The following CSMD3 variants were observed in gnomAD, a reference collection of about 807,000 sequenced individuals.
The protein encoded by CSMD3 is CUB and sushi domain-containing protein 3.
CSMD3 carries 177 observed loss-of-function variants against 435.2 expected under a neutral mutation model. That is an observed-to-expected ratio of 0.41 (90% CI 0.36 to 0.46). The LOEUF (loss-of-function observed/expected upper bound fraction) is 0.46, where lower values mean the gene tolerates loss of function less well. Among genes scored for constraint, CSMD3 ranks in the 20% least tolerant of loss-of-function variants. The pLI, the probability that CSMD3 is intolerant of heterozygous loss-of-function variation, is 0.34. For synonymous variants in CSMD3, 1,656 were observed against 1,520.5 expected, an observed-to-expected ratio of 1.09 and a Z score of -2.07; for missense variants, 4,265 against 4,504.6, an observed-to-expected ratio of 0.95 and a Z score of 1.52.
chr8:112,822,115 A>G (rs1190830939), intron 12 of CSMD3, among the ~76,000 whole-genome samples: 2 of 151,998 alleles, frequency 1.3e-5, no homozygotes, highest in Non-Finnish European at 2.9e-5. Context: ...TTTGCTTAGG[A>G]TTGTCTTGGC....
intron 53 of CSMD3, among the ~76,000 whole-genome samples, chr8:112,296,493 T>C (rs12677528): frequency 0.18 from 27,309 of 150,914 alleles, 3,023 homozygotes; most frequent in Middle Eastern, 0.34. Context: ...GAGCTTGCAG[T>C]GAGCGCAGAT....
Position 112,405,183 on chromosome 8 carries a change from CAAAAAA to C in CSMD3, c.5809+1335_5809+1340del, listed in dbSNP as rs1274747452. Reference sequence around the variant, plus strand: ...TGAGCGACACAGCAAGACTCTCTCTCAAAAAAAAAAAAAAAAAAAAAAAAAACCCCC... The same window carrying C: ...TGAGCGACACAGCAAGACTCTCTCTCAAAAAAAAAAAAAAAAAAAACCCCC... On this transcript the variant is annotated intron_variant, in intron 35 of 70. Transcript: ENST00000297405. 3.0e-4 allele frequency among the ~76,000 whole-genome samples: 2 copies of C among 6,768 alleles called. 1 individual carries two copies. The highest frequency in any genetic ancestry group is 4.7e-4 in the Non-Finnish European group (2 of 4,278). The allele number at this position is 6,768 out of a possible 152,430, so 4.4% of individuals were successfully genotyped here.
chr8:112,863,479 G>A (rs2080882784), intron 10 of CSMD3, among the ~76,000 whole-genome samples: 2 of 151,852 alleles, frequency 1.3e-5, no homozygotes, highest in Non-Finnish European at 2.9e-5. Flanking sequence ...ATATGTATCT[G>A]AGCCTTTTTC....
intron 38 of CSMD3, among the ~76,000 whole-genome samples, chr8:112,362,626 A>T (rs1827359342): frequency 6.6e-6 from 1 of 152,052 alleles, no homozygotes; most frequent in African/African-American, 2.4e-5. Flanking sequence ...ATCAATCAGC[A>T]ACATAAGCAA....
chr8:113,273,734 TG>T (rs2093548136), intron 3 of CSMD3, among the ~76,000 whole-genome samples: 1 of 152,164 alleles, frequency 6.6e-6, no homozygotes, highest in Admixed American at 6.6e-5. Context: ...CCTGATTTAA[TG>T]GATCTCATTT....
At chr8:112,266,398 C>T (rs1263270032) in intron 59 of CSMD3, among the ~76,000 whole-genome samples, 2 of 152,134 alleles carry the variant, frequency 1.3e-5, no homozygotes, top group Admixed American at 6.5e-5. Context: ...AGGTCTAGAC[C>T]CATCCCAAGG....
At chr8:113,190,867 CT>C (rs1296215192) in intron 3 of CSMD3, among the ~76,000 whole-genome samples, 3 of 151,708 alleles carry the variant, frequency 2.0e-5, no homozygotes, top group Admixed American at 2.0e-4. Flanking sequence ...AATTTCCTGT[CT>C]TTTATTTTTC....
chr8:112,969,860 C>T (rs2084577340), intron 7 of CSMD3, among the ~76,000 whole-genome samples: 1 of 151,932 alleles, frequency 6.6e-6, no homozygotes, highest in Non-Finnish European at 1.5e-5. Context: ...GAGTAAAACA[C>T]ATCTTAATTA....
chr8:113,375,310 A>G, intron 1 of CSMD3, among the ~76,000 whole-genome samples: 1 of 152,202 alleles, frequency 6.6e-6, no homozygotes. Flanking sequence ...CCATATTGCT[A>G]TCAGTCAGTT....
chr8:113,046,411 C>T (rs1419196471), intron 5 of CSMD3, among the ~76,000 whole-genome samples: 1 of 149,744 alleles, frequency 6.7e-6, no homozygotes, highest in Admixed American at 6.6e-5. Flanking sequence ...TATTTGTGCC[C>T]TGAGTCTTTC....
chr8:112,325,652 A>C (rs1238101146), intron 45 of CSMD3, among the ~76,000 whole-genome samples: 30 of 152,066 alleles, frequency 2.0e-4, no homozygotes, highest in Admixed American at 2.0e-3. Context: ...GAATTAGTGT[A>C]TATACATATA....
At chr8:112,649,337 T>G (rs16883919) in intron 19 of CSMD3, among the ~76,000 whole-genome samples, 2,302 of 152,282 alleles carry the variant, frequency 0.015, 55 homozygotes, top group African/African-American at 0.053. Flanking sequence ...TGTTTAAATC[T>G]TCATATAAAA....
chr8:113,076,204 G>C, intron 5 of CSMD3, among the ~76,000 whole-genome samples: 1 of 150,914 alleles, frequency 6.6e-6, no homozygotes, highest in East Asian at 1.9e-4. Flanking sequence ...ATACTAGATA[G>C]ATAGCAAAGT....
At chr8:112,725,723 C>T (rs978106855) in intron 13 of CSMD3, among the ~76,000 whole-genome samples, 1 of 151,706 alleles carries the variant, frequency 6.6e-6, no homozygotes. Context: ...AGAAAAAATC[C>T]GAAGGATTTT....
At chr8:112,813,581 G>A (rs970440375) in intron 12 of CSMD3, among the ~76,000 whole-genome samples, 1 of 152,208 alleles carries the variant, frequency 6.6e-6, no homozygotes, top group South Asian at 2.1e-4. Context: ...AGGATACAGG[G>A]AAACTTACAG....
At chr8:112,867,523 C>T (rs1407178306) in intron 10 of CSMD3, among the ~76,000 whole-genome samples, 3 of 151,852 alleles carry the variant, frequency 2.0e-5, no homozygotes, top group Non-Finnish European at 4.4e-5. Context: ...GATTGTGTAG[C>T]CTACTACAAA....
At chr8:112,429,094 T>A (rs1020144794) in intron 32 of CSMD3, among the ~76,000 whole-genome samples, 1 of 152,072 alleles carries the variant, frequency 6.6e-6, no homozygotes, top group African/African-American at 2.4e-5. Flanking sequence ...ATCCAATATA[T>A]CTTTAACTAT....
chr8:112,851,725 TTA>T (rs2080494880), intron 11 of CSMD3, among the ~76,000 whole-genome samples: 2 of 151,456 alleles, frequency 1.3e-5, no homozygotes, highest in African/African-American at 4.9e-5. Flanking sequence ...GATCGTGCCA[TTA>T]CACTCCAGCC....
intron 6 of CSMD3, 135 bp from the exon 7 acceptor site, chr8:112,976,283 G>A (rs1362263486): frequency 1.1e-5 from 11 of 1,006,774 alleles, no homozygotes; most frequent in South Asian, 4.6e-5. Context: ...ACACAAACAC[G>A]CGAGTAAATT....
Sources: allele counts gnomAD v4.1 joint callset (sites outside exome capture counted in the v4.1 genomes callset), GRCh38; gene constraint gnomAD v4.1.1; transcripts MANE v1.5; gene names NCBI Gene and HGNC (gene_info 2026-07-23, HGNC 2026-07-21).